CECR2: variants seen among roughly 807,000 people sequenced by gnomAD.
CECR2 encodes CECR2 histone acetyl-lysine reader.
Under a neutral mutation model 154.5 loss-of-function variants are expected in CECR2, and 30 were observed. That is an observed-to-expected ratio of 0.19 (90% CI 0.15 to 0.26). The LOEUF is 0.26. Ranked by LOEUF, CECR2 falls within the 10% of genes least tolerant of loss-of-function variation. The pLI, the probability that CECR2 is intolerant of heterozygous loss-of-function variation, is 1.00. For missense variants in CECR2, 1,743 were observed against 1,829.3 expected, an observed-to-expected ratio of 0.95 and a Z score of 0.86; for synonymous variants, 725 against 683.7, an observed-to-expected ratio of 1.06 and a Z score of -0.94.
At chr22:17,449,408 A>C (rs1253233610) in intron 1 of CECR2, among the ~76,000 whole-genome samples, 1 of 146,442 alleles carries the variant, frequency 6.8e-6, no homozygotes, top group Non-Finnish European at 1.5e-5. Context: ...TGGCACCACT[A>C]TTCACCTAAC....
At chr22:17,375,313 C>T (rs965425080) in intron 1 of CECR2, among the ~76,000 whole-genome samples, 4 of 151,848 alleles carry the variant, frequency 2.6e-5, no homozygotes, top group Admixed American at 1.3e-4. Flanking sequence ...GGGGGTTTCT[C>T]GATGTTGGTC....
intron 7 of CECR2, among the ~76,000 whole-genome samples, chr22:17,510,180 G>T (rs75750389): frequency 6.6e-5 from 10 of 152,172 alleles, no homozygotes; most frequent in African/African-American, 2.4e-4. Context: ...TTTCTCATTC[G>T]TAGCTTTTAT....
chr22:17,477,718 C>A, intron 2 of CECR2, 36 bp downstream of exon 2: 1 of 1,424,454 alleles, frequency 7.0e-7, no homozygotes, highest in Non-Finnish European at 9.9e-7. Flanking sequence ...ATTTCTTGCG[C>A]CAAGAACTAA....
Position 17,526,614 on chromosome 22 carries a change from G to T in CECR2, c.1108+2343G>T, listed in dbSNP as rs527489679. ...TTACAAGGTCAAGAGTTCAAGGCCAGCCTGGCCAAGGTGTTGAAACCCCGT... is the reference window on the plus strand; with the variant it reads ...TTACAAGGTCAAGAGTTCAAGGCCATCCTGGCCAAGGTGTTGAAACCCCGT... On this transcript the variant is annotated intron_variant, in intron 9 of 18. Transcript: ENST00000262608. Among the ~76,000 whole-genome samples, 3 of 152,054 alleles carry T rather than the reference G, an allele frequency of 2.0e-5. No individual in the cohort carries two copies. In the South Asian group the frequency reaches 6.3e-4, roughly 32 times the overall value.
At chr22:17,540,333 A>G (rs759157121) in intron 13 of CECR2, 79 bp from the exon 14 acceptor site, 28 of 1,284,336 alleles carry the variant, frequency 2.2e-5, no homozygotes, top group Middle Eastern at 2.4e-4. Flanking sequence ...TTCTGTTTCT[A>G]TAGTTTCTAT....
chr22:17,373,252 T>C (rs1396768036), intron 1 of CECR2, among the ~76,000 whole-genome samples: 1 of 152,110 alleles, frequency 6.6e-6, no homozygotes, highest in African/African-American at 2.4e-5. Context: ...AAAAAAACTT[T>C]TTACTCTATT....
At chr22:17,425,442 A>G (rs1160476425) in intron 1 of CECR2, among the ~76,000 whole-genome samples, 3 of 152,140 alleles carry the variant, frequency 2.0e-5, no homozygotes, top group Admixed American at 6.6e-5. Context: ...ATAACATGTC[A>G]GGTTTTAGGT....
chr22:17,399,160 G>C (rs1448665144), intron 1 of CECR2, among the ~76,000 whole-genome samples: 2 of 152,192 alleles, frequency 1.3e-5, no homozygotes, highest in South Asian at 4.1e-4. Flanking sequence ...AAACTTGAAG[G>C]CCTCATTAAT....
intron 1 of CECR2, among the ~76,000 whole-genome samples, chr22:17,414,788 A>G (rs949949650): frequency 6.6e-6 from 1 of 151,738 alleles, no homozygotes; most frequent in Non-Finnish European, 1.5e-5. Context: ...CGGGAGAAAA[A>G]TGGTTGGGGT....
At position 17,525,313 on chromosome 22, in the gene CECR2, AAAG is replaced by A. The variant is rs1569142195; in HGVS notation, c.1108+1045_1108+1047del. Among the ~76,000 whole-genome samples the A allele has an allele frequency of 7.0e-4, 102 of 145,786 alleles. 2 individuals are homozygous for A. The highest frequency in any genetic ancestry group is 3.7e-3 in the Middle Eastern group (1 of 272). ...AAAAAAAAAAAAAAAAAAAAAAAAA[AAAG>A]AAAGGAAGGGAGGGAGGGAAAAGAA... On this transcript the variant is annotated intron_variant, in intron 9 of 18. Coordinates refer to ENST00000262608, the MANE Select transcript of CECR2 (RefSeq NM_001290047.2).
At chr22:17,551,929 C>T in intron 17 of CECR2, 102 bp from the exon 18 acceptor site, 1 of 1,078,842 alleles carries the variant, frequency 9.3e-7, no homozygotes. Context: ...GGCCTGATCA[C>T]CGGGGTGATG....
At chr22:17,525,529 C>T (rs2056249326) in intron 9 of CECR2, among the ~76,000 whole-genome samples, 1 of 151,986 alleles carries the variant, frequency 6.6e-6, no homozygotes, top group South Asian at 2.1e-4. Context: ...TTGCTTGAAC[C>T]CCGGAGGTGG....
intron 1 of CECR2, among the ~76,000 whole-genome samples, chr22:17,473,827 C>A (rs1227841647): frequency 6.6e-6 from 1 of 152,192 alleles, no homozygotes; most frequent in Non-Finnish European, 1.5e-5. Flanking sequence ...ATGCCAGCCG[C>A]ATATCTGAAA....
intron 2 of CECR2, among the ~76,000 whole-genome samples, chr22:17,495,112 A>C (rs1429468051): frequency 6.6e-6 from 1 of 152,252 alleles, no homozygotes; most frequent in African/African-American, 2.4e-5. Context: ...GCCTAATTTT[A>C]AAATGATACC....
chr22:17,548,546 T>G lies in CECR2; in HGVS notation c.3259T>G (p.Leu1087Val). 1.2e-6 allele frequency: 2 copies of G among 1,613,808 alleles called. No homozygotes were observed. Among genetic ancestry groups the G allele is most frequent in the Non-Finnish European group, 1.7e-6 (2 of 1,179,802 alleles). The change falls in exon 17 of 19, where the codon TTG (leucine) becomes GTG (valine). Residue 1087 changes from leucine to valine, a missense_variant. Leu to Val is a conservative substitution (Grantham distance 32). Transcript: ENST00000262608. ...EKLLCPRGRT[L>V]QETMPCTGQN... ...GCTGCTCTGCCCCAGAGGCAGAACG[T>G]TGCAGGAAACCATGCCATGCACGGG... is the stretch of plus-strand genomic sequence containing the variant.
Position 17,540,871 on chromosome 22 carries a change from A to G in CECR2, c.1884+71A>G, listed in dbSNP as rs767891295. 4.9e-4 allele frequency: 699 copies of G among 1,431,572 alleles called. 2 individuals are homozygous for G. Among genetic ancestry groups the G allele is most frequent in the Middle Eastern group, 3.0e-3 (16 of 5,356 alleles). The allele number at this position is 1,431,572 out of a possible 1,614,324, so 88.7% of individuals were successfully genotyped here. A position where few individuals can be genotyped will look rare whatever the true frequency, so the allele number is the denominator to read the frequency against. ...GTTCATAGTAATGTAGAGGCCATTC[A>G]GTTAGTACTTCCTGCAAAATACTTA... On this transcript the variant is annotated intron_variant, in intron 14 of 18. Coordinates refer to ENST00000262608, the MANE Select transcript of CECR2 (RefSeq NM_001290047.2).
intron 1 of CECR2, among the ~76,000 whole-genome samples, chr22:17,361,029 G>T (rs1361224756): frequency 6.6e-6 from 1 of 152,090 alleles, no homozygotes; most frequent in Non-Finnish European, 1.5e-5. Context: ...CAGGCATCGT[G>T]GTGTGTGCAT....
At chr22:17,446,703 G>C (rs549974124) in intron 1 of CECR2, among the ~76,000 whole-genome samples, 2 of 151,848 alleles carry the variant, frequency 1.3e-5, no homozygotes, top group African/African-American at 2.4e-5. Context: ...GTGACAGAGC[G>C]AGACTTTGTC....
rs1339121774 is a variant in CECR2, at chr22:17,447,033, C to CTGTTTTTTTTTTTTTTT, written c.127-30554_127-30553insGTTTTTTTTTTTTTTTT. Among the ~76,000 whole-genome samples the CTGTTTTTTTTTTTTTTT allele has an allele frequency of 1.0e-3, 119 of 114,094 alleles. 21 individuals carry two copies. The highest frequency in any genetic ancestry group is 3.7e-3 in the African/African-American group (99 of 26,692). 74.9% of individuals were successfully genotyped at this position (114,094 alleles called of 152,430 possible). A position where few individuals can be genotyped will look rare whatever the true frequency, so the allele number is the denominator to read the frequency against. On this transcript the variant is annotated intron_variant, in intron 1 of 18. Transcript: ENST00000262608. Reference sequence around the variant, plus strand: ...GAGTGCTGAGTGGTGCGTTTACAATCTTTTTTTTTTTTTTTTTTTGAGACA... The same window carrying CTGTTTTTTTTTTTTTTT: ...GAGTGCTGAGTGGTGCGTTTACAATCTGTTTTTTTTTTTTTTTTTTTTTTTTTTTTTTTTTTGAGACA...
Sources: allele counts gnomAD v4.1 joint callset (sites outside exome capture counted in the v4.1 genomes callset), GRCh38; gene constraint gnomAD v4.1.1; transcripts MANE v1.5; gene names NCBI Gene and HGNC (gene_info 2026-07-23, HGNC 2026-07-21).